The following DCDC1 variants were observed in gnomAD, a reference collection of about 807,000 sequenced individuals.
DCDC1 encodes the protein doublecortin domain-containing protein 1.
A neutral mutation model predicts 178.3 loss-of-function variants in DCDC1; 200 were observed. The ratio of observed to expected loss-of-function variants is 1.12; its 90% CI spans 1.00 to 1.26. The LOEUF (loss-of-function observed/expected upper bound fraction) is 1.26. Ranked by LOEUF, DCDC1 falls within the 50% of genes most tolerant of loss-of-function variation. The pLI is 0.00. For missense variants in DCDC1, 1,983 were observed against 1,749.2 expected, an observed-to-expected ratio of 1.13 and a Z score of -2.38; for synonymous variants, 690 against 604.8, an observed-to-expected ratio of 1.14 and a Z score of -2.07.
intron 9 of DCDC1, among the ~76,000 whole-genome samples, chr11:31,186,640 G>A (rs1969530102): frequency 6.6e-6 from 1 of 152,200 alleles, no homozygotes; most frequent in Non-Finnish European, 1.5e-5. Flanking sequence ...AACAAGCAAT[G>A]GCCACCATGC....
At chr11:30,991,275 A>G (rs1950964970) in intron 20 of DCDC1, among the ~76,000 whole-genome samples, 1 of 152,106 alleles carries the variant, frequency 6.6e-6, no homozygotes, top group African/African-American at 2.4e-5. Flanking sequence ...AGACTGTAAT[A>G]CTAGGTATAC....
chr11:30,991,124 G>A (rs1333470423), intron 20 of DCDC1, among the ~76,000 whole-genome samples: 3 of 152,138 alleles, frequency 2.0e-5, no homozygotes, highest in East Asian at 3.9e-4. Context: ...TGGTAACCAT[G>A]AGGAGGCTGG....
intron 1 of DCDC1, among the ~76,000 whole-genome samples, chr11:31,368,877 G>A (rs1027692429): frequency 6.6e-6 from 1 of 152,012 alleles, no homozygotes; most frequent in Non-Finnish European, 1.5e-5. Flanking sequence ...AAAGTAAGCA[G>A]CACAAAGAAG....
At chr11:31,280,698 C>T in intron 7 of DCDC1, 1 of 556,550 alleles carries the variant, frequency 1.8e-6, no homozygotes, top group Non-Finnish European at 3.4e-6. Context: ...TTAAGACAAG[C>T]TAACAAGTCT....
intron 7 of DCDC1, among the ~76,000 whole-genome samples, chr11:31,282,843 A>C (rs539364449): frequency 1.3e-5 from 2 of 152,294 alleles, no homozygotes; most frequent in East Asian, 3.9e-4. Context: ...TAAAATAATA[A>C]GATAACCAGT....
chr11:31,251,695 G>C (rs181997485), intron 8 of DCDC1, among the ~76,000 whole-genome samples: 1 of 152,092 alleles, frequency 6.6e-6, no homozygotes, highest in African/African-American at 2.4e-5. Context: ...CCCTAGATGA[G>C]ATAGGGAAGG....
At chr11:30,878,409 G>A (rs1942340066) in intron 38 of DCDC1, 135 bp downstream of exon 38, 4 of 779,138 alleles carry the variant, frequency 5.1e-6, no homozygotes, top group African/African-American at 1.8e-5. Context: ...AGCTGTGATT[G>A]TGCCACTACA....
intron 7 of DCDC1, among the ~76,000 whole-genome samples, chr11:31,287,980 T>C (rs1051994887): frequency 6.6e-6 from 1 of 151,574 alleles, no homozygotes; most frequent in Non-Finnish European, 1.5e-5. Context: ...AATTTCCTGC[T>C]ATTGGTGATA....
chr11:31,347,674 C>T (rs1027017442), intron 1 of DCDC1, among the ~76,000 whole-genome samples: 3 of 152,154 alleles, frequency 2.0e-5, no homozygotes, highest in African/African-American at 4.8e-5. Flanking sequence ...CTCTGTGCCA[C>T]ATCAGCCTTC....
intron 7 of DCDC1, among the ~76,000 whole-genome samples, 182 bp from the exon 8 acceptor site, chr11:31,265,782 T>C (rs1029128050): frequency 6.6e-6 from 1 of 150,862 alleles, no homozygotes; most frequent in Non-Finnish European, 1.5e-5. Flanking sequence ...TGTACTTGCA[T>C]GTGTGTAAAA....
chr11:31,160,419 T>C (rs1487347932), intron 9 of DCDC1, among the ~76,000 whole-genome samples: 1 of 152,224 alleles, frequency 6.6e-6, no homozygotes, highest in Non-Finnish European at 1.5e-5. Context: ...TGTTACATGC[T>C]TCAGCAGTTG....
At chr11:31,153,818 A>ACACACACACACACACAC (rs61493499) in intron 9 of DCDC1, among the ~76,000 whole-genome samples, 7 of 143,384 alleles carry the variant, frequency 4.9e-5, no homozygotes, top group East Asian at 2.0e-4. Context: ...ACACACACAC[A>ACACACACACACACACAC]ATTACCATAA....
intron 15 of DCDC1, among the ~76,000 whole-genome samples, chr11:31,095,490 A>T (rs771065310): frequency 5.3e-5 from 8 of 152,210 alleles, no homozygotes; most frequent in Non-Finnish European, 1.2e-4. Flanking sequence ...TCTTGCTAAC[A>T]GCAGATTTTA....
At chr11:30,951,168 A>G (rs1461493150) in intron 21 of DCDC1, among the ~76,000 whole-genome samples, 1 of 152,112 alleles carries the variant, frequency 6.6e-6, no homozygotes, top group Non-Finnish European at 1.5e-5. Flanking sequence ...AGGATGATAA[A>G]TAAAAAGAAA....
At chr11:31,113,486 G>T (rs905910360) in intron 11 of DCDC1, among the ~76,000 whole-genome samples, 2 of 129,868 alleles carry the variant, frequency 1.5e-5, no homozygotes, top group African/African-American at 6.0e-5. Flanking sequence ...TCCCCTTCCT[G>T]TGTCCATGTG....
chr11:31,368,978 A>G (rs1952124056), intron 1 of DCDC1, among the ~76,000 whole-genome samples: 1 of 152,132 alleles, frequency 6.6e-6, no homozygotes, highest in Non-Finnish European at 1.5e-5. Context: ...ACCAGCAACA[A>G]TAACAAACCC....
Position 30,906,652 on chromosome 11 carries a change from G to A in DCDC1, c.3992C>T (p.Thr1331Ile). 4 of 1,613,606 alleles carry A rather than the reference G, an allele frequency of 2.5e-6. No individual in the cohort carries two copies. Among genetic ancestry groups the A allele is most frequent in the Non-Finnish European group, 3.4e-6 (4 of 1,179,722 alleles). Residue 1331 changes from threonine (T) to isoleucine (I), a missense_variant, in exon 30 of 39, where the codon ACA becomes ATA. Physicochemically the swap from Thr to Ile is moderately conservative, Grantham distance 89. Transcript: ENST00000684477. ...AAGCAATTGTTTCAGTCCTTTCTCTGTTCTCATGGATTGTCCACAAGCCAA... is the reference window on the plus strand; with the variant it reads ...AAGCAATTGTTTCAGTCCTTTCTCTATTCTCATGGATTGTCCACAAGCCAA... ...LCLACGQSMR[T>I]EKGLKQLLPG... is the part of the protein sequence containing the mutation.
At chr11:31,360,083 C>T (rs1319798041) in intron 1 of DCDC1, among the ~76,000 whole-genome samples, 1 of 152,168 alleles carries the variant, frequency 6.6e-6, no homozygotes, top group East Asian at 1.9e-4. Flanking sequence ...GGTCTGCCTC[C>T]TGAATTGTCC....
chr11:30,970,116 G>A (rs1949696162), intron 20 of DCDC1, among the ~76,000 whole-genome samples: 1 of 152,080 alleles, frequency 6.6e-6, no homozygotes, highest in Non-Finnish European at 1.5e-5. Flanking sequence ...GTGGGGAAAG[G>A]GTAAGTAAGA....
Sources: gnomAD v4.1 joint callset for allele counts (sites outside exome capture counted in the v4.1 genomes callset) on GRCh38, gnomAD v4.1.1 for gene constraint, MANE v1.5 for transcripts, NCBI Gene and HGNC (gene_info 2026-07-23, HGNC 2026-07-21) for gene names.